ZNF33A: variants seen among roughly 807,000 people sequenced by gnomAD.
ZNF33A encodes the protein brain my041 protein.
Under a neutral mutation model 15.9 loss-of-function variants are expected in ZNF33A, and 9 were observed. The ratio of observed to expected loss-of-function variants is 0.57; its 90% CI spans 0.34 to 0.99. The LOEUF (loss-of-function observed/expected upper bound fraction) is 0.99, where lower values mean the gene tolerates loss of function less well. ZNF33A is among the 50% of genes least tolerant of loss of function. The pLI is 0.02. For missense variants in ZNF33A, 843 were observed against 941.6 expected (o/e 0.90, Z 1.37); for synonymous variants, 294 against 324.2 (o/e 0.91, Z 1.00).
intron 1 of ZNF33A, among the ~76,000 whole-genome samples, 171 bp from the exon 2 acceptor site, chr10:38,012,127 G>C (rs181907370): frequency 6.6e-6 from 1 of 152,232 alleles, no homozygotes; most frequent in Admixed American, 6.5e-5. Context: ...CTATTCCGAA[G>C]TGTTCTTCCA....
In ZNF33A at chr10:38,059,377, G is replaced by A. The variant is rs1292171369; in HGVS notation, c.*2817G>A. On this transcript the variant is annotated 3_prime_UTR_variant, in exon 5 of 5. Coordinates refer to ENST00000432900, the MANE Select transcript of ZNF33A (RefSeq NM_006954.2). ...ATATAATGCAGTGTTAAAAAAAAAA[G>A]AAATAAAATGCACATAGATTTGAAA... is the stretch of plus-strand genomic sequence containing the variant. 6.6e-6 allele frequency: 1 copy of A among 151,876 alleles called. No individual in the cohort carries two copies. The highest frequency in any genetic ancestry group is 1.5e-5 in the Non-Finnish European group (1 of 67,952). 9.4% of individuals were successfully genotyped at this position (151,876 alleles called of 1,614,324 possible). A position where few individuals can be genotyped will look rare whatever the true frequency, so the allele number is the denominator to read the frequency against.
Position 38,058,388 on chromosome 10 carries a change from C to T in ZNF33A, c.*1828C>T, listed in dbSNP as rs1284501938. On this transcript the variant is annotated 3_prime_UTR_variant, in exon 5 of 5. Transcript: ENST00000432900. ...TAACTTAGCTAAAATGGACCAATTC[C>T]TTGCAAGACGCATTCTCTCAAAGCT... is the stretch of plus-strand genomic sequence containing the variant. 2 of 152,172 alleles carry T rather than the reference C, an allele frequency of 1.3e-5. No homozygotes were observed. The highest frequency in any genetic ancestry group is 6.5e-5 in the Admixed American group (1 of 15,268). The allele number at this position is 152,172 out of a possible 1,614,324, so 9.4% of individuals were successfully genotyped here. A position where few individuals can be genotyped will look rare whatever the true frequency, so the allele number is the denominator to read the frequency against.
intron 4 of ZNF33A, among the ~76,000 whole-genome samples, chr10:38,043,047 G>T (rs190370927): frequency 6.6e-6 from 1 of 152,198 alleles, no homozygotes; most frequent in Non-Finnish European, 1.5e-5. Context: ...GAAATCACTT[G>T]TTTTCACCCT....
Position 38,012,425 on chromosome 10 carries a change from G to GTTTTTT in ZNF33A, c.9+92_9+97dup, listed in dbSNP as rs10716292. The GTTTTTT allele has an allele frequency of 7.4e-3, 3,916 of 526,712 alleles. 16 individuals are homozygous for GTTTTTT. The highest frequency in any genetic ancestry group is 0.011 in the South Asian group (468 of 41,214). 32.6% of individuals were successfully genotyped at this position (526,712 alleles called of 1,614,324 possible). On this transcript the variant is annotated intron_variant, in intron 2 of 4. Transcript: ENST00000432900. ...ATTTGTAAGAGTCGATATGGTGTTTGTTTTTTTTTTTTTTTTTTTTTTGTG... is the reference window on the plus strand; with the variant it reads ...ATTTGTAAGAGTCGATATGGTGTTTGTTTTTTTTTTTTTTTTTTTTTTTTTTTTGTG...
chr10:38,047,425 C>T lies in ZNF33A; in HGVS notation c.251-6950C>T, dbSNP rs375830118. Reference sequence around the variant, plus strand: ...CCTGTGGATCACGAGGTCAAGAGATCGAGACTATGTTGGCCAACATGGTGA... The same window carrying T: ...CCTGTGGATCACGAGGTCAAGAGATTGAGACTATGTTGGCCAACATGGTGA... On this transcript the variant is annotated intron_variant, in intron 4 of 4. Coordinates refer to ENST00000432900, the MANE Select transcript of ZNF33A (RefSeq NM_006954.2). 3.3e-5 allele frequency among the ~76,000 whole-genome samples: 5 copies of T among 151,410 alleles called. No individual in the cohort carries two copies. The South Asian group carries it at 6.3e-4, about 19-fold the overall frequency.
At chr10:38,061,832 C>T (rs2066658244), downstream of ZNF33A, among the ~76,000 whole-genome samples, 1 of 152,126 alleles carries the variant, frequency 6.6e-6, no homozygotes, top group Non-Finnish European at 1.5e-5. Flanking sequence ...ATGGTCGTGC[C>T]TGTAATCCCA....
chr10:38,037,424 C>T (rs1465540075), intron 4 of ZNF33A, among the ~76,000 whole-genome samples: 2 of 151,646 alleles, frequency 1.3e-5, no homozygotes, highest in East Asian at 1.9e-4. Context: ...CCTGGGTTCA[C>T]GCAAGTCTCC....
rs772728458 is a variant in ZNF33A at position 38,054,683 on chromosome 10, A to T, written c.559A>T (p.Thr187Ser). ...LLNIKHDETH[T>S]QEKNEVLKNR... ...CAATATTAAGCATGATGAAACTCAT[A>T]CTCAAGAGAAAAATGAAGTTTTGAA... The change falls in exon 5 of 5, where the codon ACT (threonine) becomes TCT (serine). Residue 187 changes from threonine (T) to serine (S), a missense_variant. Physicochemically the swap from Thr to Ser is moderately conservative, Grantham distance 58. Transcript: ENST00000432900. 1.2e-6 allele frequency: 2 copies of T among 1,613,818 alleles called. No homozygotes were observed. The highest frequency in any genetic ancestry group is 3.3e-5 in the Admixed American group (2 of 59,988).
At chr10:38,030,654 A>T (rs2065174940) in intron 4 of ZNF33A, among the ~76,000 whole-genome samples, 2 of 152,110 alleles carry the variant, frequency 1.3e-5, no homozygotes, top group Non-Finnish European at 2.9e-5. Context: ...GGAGATCTAA[A>T]TGTGGGTTGA....
At chr10:38,054,280 C>A in intron 4 of ZNF33A, 95 bp from the exon 5 acceptor site, 3 of 1,311,616 alleles carry the variant, frequency 2.3e-6, no homozygotes, top group Non-Finnish European at 3.0e-6. Context: ...GCCAAAAAAC[C>A]AGTCAGCTGC....
chr10:38,055,389 T>G lies in ZNF33A; in HGVS notation c.1265T>G (p.Phe422Cys), dbSNP rs140336160. ...CAATGTAATGCGTGTGGGAAAACTT[T>G]TTGCCAGAAATCTGACCTCACTAAA... Reference protein sequence around the residue: ...PYQCNACGKTFCQKSDLTKHQ... With the variant: ...PYQCNACGKTCCQKSDLTKHQ... Residue 422 changes from phenylalanine (F) to cysteine (C), a missense_variant, in exon 5 of 5, where the codon TTT (phenylalanine) becomes TGT (cysteine). By Grantham distance (205) the Phe-to-Cys change is radical. Coordinates refer to ENST00000432900, the MANE Select transcript of ZNF33A (RefSeq NM_006954.2). The G allele has an allele frequency of 2.5e-5, 40 of 1,613,914 alleles. No individual in the cohort carries two copies. Among genetic ancestry groups the G allele is most frequent in the Non-Finnish European group, 3.2e-5 (38 of 1,179,994 alleles).
At position 38,056,345 on chromosome 10, in the gene ZNF33A, A is replaced by C. The variant is rs1397897627; in HGVS notation, c.2221A>C (p.Arg741=). The change falls in exon 5 of 5, where the codon AGA becomes CGA. Residue 741 remains arginine (R), a synonymous_variant. Coordinates refer to ENST00000432900, the MANE Select transcript of ZNF33A (RefSeq NM_006954.2). ...TAAATCGGAACTTGCTCAACATCAG[A>C]GATCACATACAGGGGAAAAGCCCTA... ...YRKSELAQHQ[R]SHTGEKPYEC... 3.1e-6 allele frequency: 5 copies of C among 1,614,164 alleles called. No homozygotes were observed. In the South Asian group the frequency reaches 5.5e-5, roughly 18 times the overall value.
intron 4 of ZNF33A, among the ~76,000 whole-genome samples, chr10:38,035,317 C>T (rs2065400009): frequency 6.6e-6 from 1 of 151,790 alleles, no homozygotes; most frequent in African/African-American, 2.4e-5. Context: ...GGGGTTTTGC[C>T]ATGTTGGACA....
chr10:38,024,284 T>C (rs1182949201), intron 4 of ZNF33A, among the ~76,000 whole-genome samples: 2 of 151,538 alleles, frequency 1.3e-5, no homozygotes, highest in African/African-American at 2.4e-5. Context: ...AATGAACATA[T>C]GGAAATCTAA....
chr10:38,016,124 C>A, intron 2 of ZNF33A: 1 of 736,112 alleles, frequency 1.4e-6, no homozygotes, highest in Non-Finnish European at 1.9e-6. Flanking sequence ...GGATTAGAAC[C>A]CAGAATATGT....
chr10:38,064,571 C>T (rs2066691595), downstream of ZNF33A: 1 of 154,284 alleles, frequency 6.5e-6, no homozygotes, highest in African/African-American at 2.4e-5. Context: ...CCTTCTCTCT[C>T]CCATCTGTGA....
chr10:38,011,037 C>T (rs1018723008), intron 1 of ZNF33A, among the ~76,000 whole-genome samples: 3 of 152,184 alleles, frequency 2.0e-5, no homozygotes, highest in African/African-American at 7.2e-5. Context: ...TGTGCGCTTG[C>T]GCAGTCCGCG....
rs1564834269 is a variant in ZNF33A, at chr10:38,017,079, T to A, written c.154+64T>A. On this transcript the variant is annotated intron_variant, in intron 3 of 4. Transcript: ENST00000432900. ...TTTATTCTTTTGATTATGAAGCGTA[T>A]GGGCAGTCTGTATAGTTTAATGATA... 4.5e-6 allele frequency: 7 copies of A among 1,565,220 alleles called. No homozygotes were observed. The East Asian group carries it at 1.6e-4, about 35-fold the overall frequency.
At chr10:38,035,528 C>T (rs1315669483) in intron 4 of ZNF33A, among the ~76,000 whole-genome samples, 1 of 152,174 alleles carries the variant, frequency 6.6e-6, no homozygotes, top group Non-Finnish European at 1.5e-5. Context: ...AACTAAAATA[C>T]AGTACTTACG....
Sources: allele counts gnomAD v4.1 joint callset (sites outside exome capture counted in the v4.1 genomes callset), GRCh38; gene constraint gnomAD v4.1.1; transcripts MANE v1.5; gene names NCBI Gene and HGNC (gene_info 2026-07-23, HGNC 2026-07-21).